ZBTB20: variants seen among roughly 807,000 people sequenced by gnomAD.
ZBTB20 encodes zinc finger and BTB domain-containing protein 20.
Under a neutral mutation model 56.9 loss-of-function variants are expected in ZBTB20, and 9 were observed. The observed-to-expected ratio is 0.16, with a 90% CI of 0.10 to 0.28. ZBTB20 has a LOEUF of 0.28. Among genes scored for constraint, ZBTB20 ranks in the 10% least tolerant of loss-of-function variants. ZBTB20 has a pLI of 1.00. For synonymous variants in ZBTB20, 417 were observed against 420.7 expected (o/e 0.99, Z 0.11); for missense variants, 655 against 1,003.0 (o/e 0.65, Z 4.69).
rs1390251208 is a variant in ZBTB20 at position 114,631,790 on chromosome 3, T to A, written c.-295+61738A>T. ...ACTCTTAATATTAAATAGAGAAGCA[T>A]CAATAAATGACCAATTTGGTAAACT... On this transcript the variant is annotated intron_variant, in intron 6 of 11. Transcript: ENST00000675478. 2.6e-5 allele frequency among the ~76,000 whole-genome samples: 4 copies of A among 152,326 alleles called. No homozygotes were observed. The South Asian group carries it at 8.3e-4, about 32-fold the overall frequency.
chr3:114,516,688 C>G (rs552410288), intron 6 of ZBTB20, among the ~76,000 whole-genome samples: 28 of 152,208 alleles, frequency 1.8e-4, no homozygotes, highest in African/African-American at 6.5e-4. Flanking sequence ...GACTAGTGTA[C>G]TTATAAAAAA....
intron 7 of ZBTB20, among the ~76,000 whole-genome samples, chr3:114,399,860 C>T (rs2086663091): frequency 6.6e-6 from 1 of 151,998 alleles, no homozygotes; most frequent in South Asian, 2.1e-4. Flanking sequence ...ATACTATTGG[C>T]AATGCTTTAT....
In ZBTB20 at chr3:114,883,921, T is replaced by C. The variant is rs1229655651; in HGVS notation, c.-417+16383A>G. ...ACTGGTAAGAATGGTGTGTTCTTTTTTTTTTTTTTTTTTTTTTTTTTTGAG... is the reference window on the plus strand; with the variant it reads ...ACTGGTAAGAATGGTGTGTTCTTTTCTTTTTTTTTTTTTTTTTTTTTTGAG... On this transcript the variant is annotated intron_variant, in intron 4 of 11. Coordinates refer to ENST00000675478, the MANE Select transcript of ZBTB20 (RefSeq NM_001348800.3). Among the ~76,000 whole-genome samples the C allele has an allele frequency of 4.9e-3, 292 of 59,964 alleles. 55 individuals carry two copies. Among genetic ancestry groups the C allele is most frequent in the African/African-American group, 0.014 (276 of 19,612 alleles). 39.3% of individuals were successfully genotyped at this position (59,964 alleles called of 152,430 possible).
chr3:114,755,435 A>G (rs2067935150), intron 5 of ZBTB20, among the ~76,000 whole-genome samples: 2 of 152,222 alleles, frequency 1.3e-5, no homozygotes, highest in South Asian at 2.1e-4. Context: ...GAATGGCAGC[A>G]GTACAGAAGT....
chr3:114,790,771 G>C (rs2070900201), intron 5 of ZBTB20, among the ~76,000 whole-genome samples: 1 of 150,974 alleles, frequency 6.6e-6, no homozygotes, highest in African/African-American at 2.4e-5. Flanking sequence ...AGACATAACA[G>C]TAAGTTTTTT....
At chr3:115,105,775 A>T (rs1022052155) in intron 1 of ZBTB20, among the ~76,000 whole-genome samples, 6 of 152,186 alleles carry the variant, frequency 3.9e-5, no homozygotes, top group Non-Finnish European at 7.3e-5. Flanking sequence ...GAAAGGAATT[A>T]AAAAAGCAAG....
At chr3:114,721,978 C>T (rs999062180) in intron 5 of ZBTB20, among the ~76,000 whole-genome samples, 4 of 152,088 alleles carry the variant, frequency 2.6e-5, no homozygotes, top group African/African-American at 7.2e-5. Context: ...ACCACCAAAC[C>T]GGAAAGCTCT....
chr3:115,087,392 T>C (rs1275998978), intron 1 of ZBTB20, among the ~76,000 whole-genome samples: 1 of 151,886 alleles, frequency 6.6e-6, no homozygotes, highest in Non-Finnish European at 1.5e-5. Flanking sequence ...AAAAAAGGCT[T>C]CACGTGGTGG....
intron 3 of ZBTB20, among the ~76,000 whole-genome samples, chr3:114,959,716 T>TATAC (rs2077375706): frequency 9.3e-6 from 1 of 107,794 alleles, no homozygotes; most frequent in African/African-American, 3.9e-5. Context: ...TATATTTATA[T>TATAC]ACATACACAC....
At chr3:115,101,779 A>C (rs992445900) in intron 1 of ZBTB20, among the ~76,000 whole-genome samples, 1 of 152,188 alleles carries the variant, frequency 6.6e-6, no homozygotes, top group African/African-American at 2.4e-5. Context: ...ATGAATTGTA[A>C]AAATCATCCT....
At chr3:114,354,591 T>TG (rs2081038076) in intron 10 of ZBTB20, among the ~76,000 whole-genome samples, 1 of 148,694 alleles carries the variant, frequency 6.7e-6, no homozygotes, top group South Asian at 2.1e-4. Context: ...TTGTTTGTTT[T>TG]TTTTTTTTTT....
chr3:114,976,013 T>C (rs982361512), intron 2 of ZBTB20, among the ~76,000 whole-genome samples: 6 of 152,180 alleles, frequency 3.9e-5, no homozygotes, highest in South Asian at 2.1e-4. Flanking sequence ...TATTTACAGA[T>C]GAGAAATTTA....
At chr3:114,608,803 TTGTC>T (rs1173662371) in intron 6 of ZBTB20, among the ~76,000 whole-genome samples, 1 of 152,222 alleles carries the variant, frequency 6.6e-6, no homozygotes, top group East Asian at 1.9e-4. Flanking sequence ...TTTTATTTCA[TTGTC>T]TGTCAATCTG....
chr3:114,745,184 G>A (rs1376664260), intron 5 of ZBTB20, among the ~76,000 whole-genome samples: 4 of 152,084 alleles, frequency 2.6e-5, no homozygotes, highest in East Asian at 3.9e-4. Context: ...GTAGGATTTC[G>A]TTGTTTGTTG....
intron 4 of ZBTB20, among the ~76,000 whole-genome samples, chr3:114,847,633 C>T (rs2074779296): frequency 6.6e-6 from 1 of 151,828 alleles, no homozygotes; most frequent in African/African-American, 2.4e-5. Context: ...TTTGGGAATC[C>T]TTTTTTTTCT....
intron 1 of ZBTB20, among the ~76,000 whole-genome samples, chr3:115,146,110 G>A (rs1212572237): frequency 6.6e-6 from 1 of 152,202 alleles, no homozygotes; most frequent in African/African-American, 2.4e-5. Context: ...ACACCCGCAA[G>A]CTTCCAAACT....
intron 4 of ZBTB20, among the ~76,000 whole-genome samples, chr3:114,817,432 C>T (rs1465529637): frequency 6.6e-6 from 1 of 151,912 alleles, no homozygotes; most frequent in Non-Finnish European, 1.5e-5. Flanking sequence ...GCAGGAGAAT[C>T]ACTTGAACCT....
chr3:115,114,141 G>A (rs1406011515), intron 1 of ZBTB20, among the ~76,000 whole-genome samples: 3 of 152,142 alleles, frequency 2.0e-5, no homozygotes, highest in Non-Finnish European at 4.4e-5. Context: ...TGCTCTTACT[G>A]AAGAGCAAAC....
intron 4 of ZBTB20, among the ~76,000 whole-genome samples, chr3:114,858,787 A>T (rs889807551): frequency 6.6e-6 from 1 of 152,132 alleles, no homozygotes; most frequent in African/African-American, 2.4e-5. Context: ...TTTTTAGACA[A>T]ATTACACCAA....
Sources: allele counts gnomAD v4.1 joint callset (sites outside exome capture counted in the v4.1 genomes callset), GRCh38; gene constraint gnomAD v4.1.1; transcripts MANE v1.5; gene names NCBI Gene and HGNC (gene_info 2026-07-23, HGNC 2026-07-21).